Variants in TYR observed in about 807,000 individuals in gnomAD.
TYR encodes the protein tyrosinase.
Under a neutral mutation model 51.5 loss-of-function variants are expected in TYR, and 58 were observed. That is an observed-to-expected ratio of 1.13 (90% CI 0.91 to 1.40). The LOEUF is 1.40. Ranked by LOEUF, TYR falls within the 40% of genes most tolerant of loss-of-function variation. The pLI, the probability that TYR is intolerant of heterozygous loss-of-function variation, is 0.00. For synonymous variants in TYR, 263 were observed against 235.2 expected, an observed-to-expected ratio of 1.12 and a Z score of -1.08; for missense variants, 732 against 647.4, an observed-to-expected ratio of 1.13 and a Z score of -1.42.
chr11:89,289,180 ACT>A (rs1048954361), intron 4 of TYR, among the ~76,000 whole-genome samples: 3 of 151,776 alleles, frequency 2.0e-5, no homozygotes, highest in Middle Eastern at 3.2e-3. Flanking sequence ...TAGCAGAAAA[ACT>A]CTGTTGAGAG....
Position 89,178,235 on chromosome 11 carries a change from C to T in TYR, c.282C>T (p.Asn94=). The change falls in exon 1 of 5, where the codon AAC becomes AAT. Residue 94 remains asparagine, a synonymous_variant. Transcript: ENST00000263321. The part of the protein sequence containing the change: ...FYNRTCQCSG[N]FMGFNCGNCK... ...ATAGGACCTGCCAGTGCTCTGGCAA[C>T]TTCATGGGATTCAACTGTGGAAACT... The T allele has an allele frequency of 6.2e-7, 1 of 1,614,190 alleles. No homozygotes were observed. The highest frequency in any genetic ancestry group is 1.1e-5 in the South Asian group (1 of 91,084).
chr11:89,187,388 T>C (rs1292264020), intron 1 of TYR, among the ~76,000 whole-genome samples: 3 of 152,056 alleles, frequency 2.0e-5, no homozygotes, highest in Non-Finnish European at 4.4e-5. Context: ...CATAGAGGAA[T>C]GTGTTTTGTG....
At chr11:89,264,010 A>C (rs1237638977) in intron 3 of TYR, among the ~76,000 whole-genome samples, 13 of 152,016 alleles carry the variant, frequency 8.6e-5, no homozygotes, top group Admixed American at 6.6e-4. Context: ...ACTGCTCTTA[A>C]TGTTGTAGTA....
At chr11:89,257,605 A>G (rs1944408931) in intron 3 of TYR, among the ~76,000 whole-genome samples, 1 of 152,086 alleles carries the variant, frequency 6.6e-6, no homozygotes, top group African/African-American at 2.4e-5. Context: ...AAAATACTGT[A>G]TATGTATACA....
chr11:89,191,187 G>A lies in TYR; in HGVS notation c.820-15G>A, dbSNP rs1168718359. 2.5e-6 allele frequency: 4 copies of A among 1,611,596 alleles called. No homozygotes were observed. Among genetic ancestry groups the A allele is most frequent in the South Asian group, 2.2e-5 (2 of 91,020 alleles). ...GGTGGTGACAATTTGTTTAACATGA[G>A]GGTGTTTTGTACAGATTGTCTGTAG... On this transcript the variant is annotated splice_polypyrimidine_tract_variant and intron_variant, in intron 1 of 4. Coordinates refer to ENST00000263321, the MANE Select transcript of TYR (RefSeq NM_000372.5).
intron 3 of TYR, among the ~76,000 whole-genome samples, chr11:89,272,802 C>G (rs1944605070): frequency 6.6e-6 from 1 of 151,898 alleles, no homozygotes; most frequent in Admixed American, 6.6e-5. Flanking sequence ...TCCATCAGAA[C>G]TTATTGCTTC....
At chr11:89,208,481 A>G (rs1438042244) in intron 2 of TYR, among the ~76,000 whole-genome samples, 2 of 152,208 alleles carry the variant, frequency 1.3e-5, no homozygotes, top group Admixed American at 1.3e-4. Context: ...ATCAACAGTT[A>G]TCAATATATG....
rs1943244596 is a variant in TYR at position 89,177,946 on chromosome 11, G to A, written c.-8G>A. 2 of 1,613,706 alleles carry A rather than the reference G, an allele frequency of 1.2e-6. No individual in the cohort carries two copies. Among genetic ancestry groups the A allele is most frequent in the Non-Finnish European group, 1.7e-6 (2 of 1,179,968 alleles). On this transcript the variant is annotated 5_prime_UTR_variant, in exon 1 of 5. Transcript: ENST00000263321. ...GTTCCTGCAGACCTTGTGAGGACTA[G>A]AGGAAGAATGCTCCTGGCTGTTTTG...
intron 1 of TYR, among the ~76,000 whole-genome samples, chr11:89,180,345 G>A (rs989431383): frequency 1.3e-5 from 2 of 152,078 alleles, no homozygotes; most frequent in African/African-American, 4.8e-5. Flanking sequence ...AAAGGTTGGA[G>A]GACTGTCTAA....
chr11:89,225,415 A>G (rs1403047100), intron 2 of TYR, among the ~76,000 whole-genome samples: 1 of 151,932 alleles, frequency 6.6e-6, no homozygotes, highest in Non-Finnish European at 1.5e-5. Flanking sequence ...CCTTAGACAT[A>G]GATCTCCTGA....
At chr11:89,222,525 G>A (rs558451485) in intron 2 of TYR, among the ~76,000 whole-genome samples, 1 of 152,240 alleles carries the variant, frequency 6.6e-6, no homozygotes, top group South Asian at 2.1e-4. Context: ...GATCACCTGA[G>A]GTCAGTAGTT....
chr11:89,229,857 A>G (rs1275556425), intron 3 of TYR, among the ~76,000 whole-genome samples: 1 of 152,108 alleles, frequency 6.6e-6, no homozygotes, highest in Non-Finnish European at 1.5e-5. Context: ...AGATGTGTAC[A>G]CTGAAACTAT....
At chr11:89,280,519 T>G (rs1398988661) in intron 3 of TYR, among the ~76,000 whole-genome samples, 3 of 151,468 alleles carry the variant, frequency 2.0e-5, no homozygotes, top group African/African-American at 7.3e-5. Flanking sequence ...CTTACATTAT[T>G]CATGATTTTC....
At chr11:89,261,185 T>A (rs1192776063) in intron 3 of TYR, among the ~76,000 whole-genome samples, 1 of 152,052 alleles carries the variant, frequency 6.6e-6, no homozygotes, top group Non-Finnish European at 1.5e-5. Context: ...ACATAACATG[T>A]ATAGAAAACA....
intron 2 of TYR, among the ~76,000 whole-genome samples, chr11:89,224,396 C>G (rs960757009): frequency 6.6e-6 from 1 of 152,094 alleles, no homozygotes; most frequent in Admixed American, 6.6e-5. Context: ...AATAACTTGA[C>G]AAGGATTATA....
intron 3 of TYR, among the ~76,000 whole-genome samples, chr11:89,254,069 T>A (rs1334890499): frequency 6.6e-6 from 1 of 151,894 alleles, no homozygotes; most frequent in Non-Finnish European, 1.5e-5. Context: ...ATTTTCTGCA[T>A]CTATTGAGAT....
rs188748233 is a variant in TYR, at chr11:89,260,904, G to A, written c.1185-23869G>A. Among the ~76,000 whole-genome samples, 393 of 152,190 alleles carry A rather than the reference G, an allele frequency of 2.6e-3. 2 individuals carry two copies. Among genetic ancestry groups the A allele is most frequent in the African/African-American group, 8.8e-3 (366 of 41,558 alleles). On this transcript the variant is annotated intron_variant, in intron 3 of 4. Coordinates refer to ENST00000263321, the MANE Select transcript of TYR (RefSeq NM_000372.5). ...CAGCAGGAGGTGAGTGGTGAAGTGA[G>A]TATAACCTGAGCTCTGCCTCCTGTC...
At chr11:89,293,529 T>C (rs1944872194) in intron 4 of TYR, among the ~76,000 whole-genome samples, 1 of 152,056 alleles carries the variant, frequency 6.6e-6, no homozygotes, top group African/African-American at 2.4e-5. Flanking sequence ...TGTTCTTTTA[T>C]GATAAAGGAA....
At chr11:89,227,234 A>G (rs1169693064) in intron 2 of TYR, among the ~76,000 whole-genome samples, 1 of 152,188 alleles carries the variant, frequency 6.6e-6, no homozygotes, top group Admixed American at 6.6e-5. Flanking sequence ...ACTGTTGCTG[A>G]TGCAATAAAT....
Sources: gnomAD v4.1 joint callset for allele counts (sites outside exome capture counted in the v4.1 genomes callset) on GRCh38, gnomAD v4.1.1 for gene constraint, MANE v1.5 for transcripts, NCBI Gene and HGNC (gene_info 2026-07-23, HGNC 2026-07-21) for gene names.